Variants in EPB41L4A observed in about 807,000 individuals in gnomAD.
EPB41L4A encodes band 4.1-like protein 4A.
In EPB41L4A, 100 loss-of-function variants were observed where a neutral mutation model predicts 108.6. That is an observed-to-expected ratio of 0.92 (90% CI 0.78 to 1.09). The LOEUF is 1.09. EPB41L4A is among the 50% of genes least tolerant of loss of function. The pLI is 0.00. For missense variants in EPB41L4A, 1,030 were observed against 842.7 expected, an observed-to-expected ratio of 1.22 and a Z score of -2.75; for synonymous variants, 319 against 289.0, an observed-to-expected ratio of 1.10 and a Z score of -1.05.
Position 112,199,897 on chromosome 5 carries a change from G to A in EPB41L4A, c.1377-4189C>T, listed in dbSNP as rs116487907. ...CTCCCATTCTCTATTGCTAGGACTC[G>A]GACAATAGCCTGCTGCCTGGTCTTC... On this transcript the variant is annotated intron_variant, in intron 15 of 22. Transcript: ENST00000261486. Among the ~76,000 whole-genome samples the A allele has an allele frequency of 3.1e-3, 470 of 152,182 alleles. 5 individuals are homozygous for A. Among genetic ancestry groups the A allele is most frequent in the African/African-American group, 0.011 (443 of 41,512 alleles).
At chr5:112,354,932 T>C (rs1360180551) in intron 1 of EPB41L4A, among the ~76,000 whole-genome samples, 2 of 152,172 alleles carry the variant, frequency 1.3e-5, no homozygotes, top group Non-Finnish European at 1.5e-5. Context: ...TACATTTATG[T>C]GTAACTCTGG....
intron 2 of EPB41L4A, among the ~76,000 whole-genome samples, chr5:112,300,994 T>C (rs917276803): frequency 6.6e-6 from 1 of 152,142 alleles, no homozygotes; most frequent in African/African-American, 2.4e-5. Context: ...TTTTCTGAAG[T>C]TGTGATTGTT....
In EPB41L4A at chr5:112,164,832, A is replaced by G. The variant is rs1187996435; in HGVS notation, c.*158T>C. 1.2e-4 allele frequency: 13 copies of G among 111,626 alleles called. No individual in the cohort carries two copies. The highest frequency in any genetic ancestry group is 1.8e-4 in the Non-Finnish European group (12 of 65,448). 6.9% of individuals were successfully genotyped at this position (111,626 alleles called of 1,614,324 possible). Reference sequence around the variant, plus strand: ...CTGGGCGACAGAGTGATAACATCTCAAAAAAAAAAAAAAAAAGAAGCAAAA... The same window carrying G: ...CTGGGCGACAGAGTGATAACATCTCGAAAAAAAAAAAAAAAAGAAGCAAAA... On this transcript the variant is annotated 3_prime_UTR_variant, in exon 23 of 23. Transcript: ENST00000261486.
chr5:112,299,309 C>A (rs985426704), intron 2 of EPB41L4A, among the ~76,000 whole-genome samples: 1 of 152,104 alleles, frequency 6.6e-6, no homozygotes, highest in Non-Finnish European at 1.5e-5. Flanking sequence ...CTTAGCACTG[C>A]CTTTGCTGTA....
chr5:112,302,939 G>T (rs1348476297), intron 2 of EPB41L4A, among the ~76,000 whole-genome samples: 1 of 152,106 alleles, frequency 6.6e-6, no homozygotes, highest in Non-Finnish European at 1.5e-5. Flanking sequence ...TTCATGTGTT[G>T]TTGTCAGCCC....
intron 11 of EPB41L4A, among the ~76,000 whole-genome samples, chr5:112,235,799 A>G (rs10478073): frequency 0.21 from 31,201 of 152,164 alleles, 3,689 homozygotes; most frequent in Non-Finnish European, 0.27. Flanking sequence ...ATCAGCTACC[A>G]GGGGAATAAA....
chr5:112,295,279 A>T (rs1328635619), intron 2 of EPB41L4A, among the ~76,000 whole-genome samples: 3 of 152,238 alleles, frequency 2.0e-5, no homozygotes, highest in African/African-American at 2.4e-5. Flanking sequence ...CCAAGATTCT[A>T]GCTTGAGCAA....
chr5:112,372,791 T>C (rs770401164), intron 1 of EPB41L4A, among the ~76,000 whole-genome samples: 3 of 152,070 alleles, frequency 2.0e-5, no homozygotes, highest in Non-Finnish European at 2.9e-5. Context: ...TACAGAGAAA[T>C]GAACTGTAAT....
At chr5:112,198,726 T>A (rs903181411) in intron 15 of EPB41L4A, among the ~76,000 whole-genome samples, 1 of 152,182 alleles carries the variant, frequency 6.6e-6, no homozygotes, top group African/African-American at 2.4e-5. Flanking sequence ...TTTCTTAATG[T>A]TACCTTCCAA....
intron 15 of EPB41L4A, among the ~76,000 whole-genome samples, chr5:112,198,883 A>G (rs933441769): frequency 2.2e-4 from 34 of 151,806 alleles, no homozygotes; most frequent in African/African-American, 8.2e-4. Context: ...TTTATTTCTT[A>G]TATTGTCTGT....
intron 1 of EPB41L4A, among the ~76,000 whole-genome samples, chr5:112,418,217 G>A (rs879699418): frequency 2.0e-5 from 3 of 152,176 alleles, no homozygotes; most frequent in Non-Finnish European, 4.4e-5. Flanking sequence ...CAGGCGCGTC[G>A]GTCAGGTTGT....
chr5:112,338,073 T>A (rs563787837), intron 1 of EPB41L4A, among the ~76,000 whole-genome samples: 4 of 152,234 alleles, frequency 2.6e-5, no homozygotes, highest in Non-Finnish European at 2.9e-5. Flanking sequence ...CATCCCTGCC[T>A]CTTACCCTCC....
chr5:112,324,886 A>G (rs1184245379), intron 1 of EPB41L4A, among the ~76,000 whole-genome samples: 1 of 152,106 alleles, frequency 6.6e-6, no homozygotes, highest in African/African-American at 2.4e-5. Flanking sequence ...AATAAAATAA[A>G]TAAGTATTTA....
At chr5:112,317,153 T>A (rs553779633) in intron 1 of EPB41L4A, among the ~76,000 whole-genome samples, 1 of 152,234 alleles carries the variant, frequency 6.6e-6, no homozygotes, top group African/African-American at 2.4e-5. Context: ...GCCATCTTTG[T>A]TGACAACCTA....
chr5:112,402,286 C>A (rs1411375802), intron 1 of EPB41L4A, among the ~76,000 whole-genome samples: 2 of 152,146 alleles, frequency 1.3e-5, no homozygotes, highest in Non-Finnish European at 2.9e-5. Flanking sequence ...TTTCCTGAGG[C>A]CCCCTAGCCA....
intron 1 of EPB41L4A, among the ~76,000 whole-genome samples, chr5:112,388,085 T>G (rs1283019543): frequency 6.6e-6 from 1 of 152,152 alleles, no homozygotes; most frequent in Non-Finnish European, 1.5e-5. Flanking sequence ...TCAAGTTGTT[T>G]CAGCAGAAAT....
chr5:112,320,034 T>C (rs978152515), intron 1 of EPB41L4A, among the ~76,000 whole-genome samples: 1 of 152,248 alleles, frequency 6.6e-6, no homozygotes, highest in Non-Finnish European at 1.5e-5. Flanking sequence ...GAGTTGTTTG[T>C]ATTATGATTA....
At chr5:112,299,862 T>C (rs1754239987) in intron 2 of EPB41L4A, among the ~76,000 whole-genome samples, 1 of 152,208 alleles carries the variant, frequency 6.6e-6, no homozygotes, top group Non-Finnish European at 1.5e-5. Flanking sequence ...CATATATATT[T>C]GGGACTGTGA....
At chr5:112,279,131 T>A (rs897474228) in intron 3 of EPB41L4A, among the ~76,000 whole-genome samples, 2 of 151,296 alleles carry the variant, frequency 1.3e-5, no homozygotes, top group Non-Finnish European at 2.9e-5. Flanking sequence ...ATTTTTTTAA[T>A]CGGTTCAAAT....
Sources: gnomAD v4.1 joint callset for allele counts (sites outside exome capture counted in the v4.1 genomes callset) on GRCh38, gnomAD v4.1.1 for gene constraint, MANE v1.5 for transcripts, NCBI Gene and HGNC (gene_info 2026-07-23, HGNC 2026-07-21) for gene names.